SBNO2: variants seen among roughly 807,000 people sequenced by gnomAD.
The protein encoded by SBNO2 is strawberry notch homolog 2.
SBNO2 carries 89 observed loss-of-function variants against 146.3 expected under a neutral mutation model. The ratio of observed to expected loss-of-function variants is 0.61; its 90% confidence interval spans 0.51 to 0.73. The LOEUF is 0.73. Among genes scored for constraint, SBNO2 ranks in the 30% least tolerant of loss-of-function variants. The probability of loss-of-function intolerance (pLI) is 0.00; values close to 1 mark genes in which losing one functional copy is unlikely to be tolerated. For missense variants in SBNO2, 2,092 were observed against 2,003.7 expected (o/e 1.04, Z -0.84); for synonymous variants, 1,147 against 892.6 (o/e 1.29, Z -5.08).
Position 1,124,121 on chromosome 19 carries a change from C to T in SBNO2, c.442-99G>A, listed in dbSNP as rs759068103. On this transcript the variant is annotated intron_variant, in intron 5 of 31. Coordinates refer to ENST00000361757, the MANE Select transcript of SBNO2 (RefSeq NM_014963.3). Reference sequence around the variant, plus strand: ...ACCAGAGGGAGGCTCCCCACTGCCCCGTCCTCGCCTCCCCATCCTCGCTCC... The same window carrying T: ...ACCAGAGGGAGGCTCCCCACTGCCCTGTCCTCGCCTCCCCATCCTCGCTCC... 44 of 1,097,038 alleles carry T rather than the reference C, an allele frequency of 4.0e-5. 1 individual carries two copies. The Middle Eastern group carries it at 8.3e-4, about 21-fold the overall frequency. 68.0% of individuals were successfully genotyped at this position (1,097,038 alleles called of 1,614,324 possible).
rs1312702056 is a variant in SBNO2, at chr19:1,108,333, C to G, written c.3988G>C (p.Glu1330Gln). 7.4e-7 allele frequency: 1 copy of G among 1,353,728 alleles called. No homozygotes were observed. Among genetic ancestry groups the G allele is most frequent in the Non-Finnish European group, 9.5e-7 (1 of 1,051,190 alleles). The allele number at this position is 1,353,728 out of a possible 1,614,324, so 83.9% of individuals were successfully genotyped here. A position where few individuals can be genotyped will look rare whatever the true frequency, so the allele number is the denominator to read the frequency against. Residue 1330 changes from glutamate (E) to glutamine (Q), a missense_variant, in exon 32 of 32, where the codon GAG (glutamate) becomes CAG (glutamine). Glu to Gln is a conservative substitution (Grantham distance 29). Coordinates refer to ENST00000361757, the MANE Select transcript of SBNO2 (RefSeq NM_014963.3). The part of the protein sequence containing the change: ...LRSLHAGPPS[E>Q]GALGEGAGAG... The stretch of plus-strand genomic sequence containing the variant: ...CCCGCGCCCTCCCCCAGCGCGCCCT[C>G]GGAGGGCGGCCCCGCGTGCAGCGAG...
intron 4 of SBNO2, among the ~76,000 whole-genome samples, chr19:1,142,156 T>A (rs55828733): frequency 5.1e-3 from 18 of 3,508 alleles, no homozygotes; most frequent in South Asian, 0.029. Flanking sequence ...CCACGATCAA[T>A]CCTCACTCAA....
intron 1 of SBNO2, among the ~76,000 whole-genome samples, chr19:1,172,880 T>C (rs1309133888): frequency 6.9e-6 from 1 of 145,492 alleles, no homozygotes; most frequent in Non-Finnish European, 1.5e-5. Context: ...ACCAAACCTA[T>C]CCCGTCCCGT....
rs200551019 is a variant in SBNO2, at chr19:1,108,856, G to A, written c.3539C>T (p.Ala1180Val). Residue 1180 changes from alanine to valine, a missense_variant, in exon 31 of 32, where the codon GCC becomes GTC. Physicochemically the swap from Ala to Val is moderately conservative, Grantham distance 64. Coordinates refer to ENST00000361757, the MANE Select transcript of SBNO2 (RefSeq NM_014963.3). Reference sequence around the variant, plus strand: ...GCTGCTGCTGACGTCGGCCATGACGGCGGCGATGCGGCCCCACACGCGCAG... The same window carrying A: ...GCTGCTGCTGACGTCGGCCATGACGACGGCGATGCGGCCCCACACGCGCAG... ...ALLRVWGRIA[A>V]VMADVSSSSY... 3.1e-6 allele frequency: 5 copies of A among 1,596,110 alleles called. No individual in the cohort carries two copies. The highest frequency in any genetic ancestry group is 4.2e-6 in the Non-Finnish European group (5 of 1,177,290).
At chr19:1,114,709 A>G (rs1422417973) in intron 17 of SBNO2, among the ~76,000 whole-genome samples, 1 of 152,098 alleles carries the variant, frequency 6.6e-6, no homozygotes, top group Non-Finnish European at 1.5e-5. Context: ...GTGGCATCTC[A>G]CTGCACTCTC....
rs1034289968 is a variant in SBNO2, at chr19:1,144,744, G to A, written c.279+2565C>T. On this transcript the variant is annotated intron_variant, in intron 4 of 31. Transcript: ENST00000361757. The surrounding 1 kb of genome is among the most constrained non-coding windows in gnomAD (Gnocchi z 4.1). ...GGCAGAGAGGGAGACAAAGAGACAG[G>A]TGGAGAGGGAGACAGAGAGACAGAG... 7.6e-5 allele frequency among the ~76,000 whole-genome samples: 11 copies of A among 145,140 alleles called. No individual in the cohort carries two copies. The highest frequency in any genetic ancestry group is 1.2e-4 in the Non-Finnish European group (8 of 66,114).
intron 4 of SBNO2, among the ~76,000 whole-genome samples, chr19:1,131,814 A>AC (rs973846953): frequency 6.7e-6 from 1 of 149,040 alleles, no homozygotes; most frequent in African/African-American, 2.5e-5. Flanking sequence ...GCTGAGCCCG[A>AC]CCCCCCCACT....
chr19:1,166,178 A>C (rs2080422031), intron 1 of SBNO2, among the ~76,000 whole-genome samples: 1 of 99,266 alleles, frequency 1.0e-5, no homozygotes, highest in Non-Finnish European at 2.2e-5. Context: ...CCCAGACCCC[A>C]GATCCCAGAC....
chr19:1,136,407 C>T lies in SBNO2; in HGVS notation c.280-8642G>A, dbSNP rs11878574. On this transcript the variant is annotated intron_variant, in intron 4 of 31. Transcript: ENST00000361757. The surrounding 1 kb of genome is among the most constrained non-coding windows in gnomAD (Gnocchi z 4.2). The stretch of plus-strand genomic sequence containing the variant: ...CCTCAGTGTCTTCTGGTGCTGCAGC[C>T]GGGCAGGGCCGAACCCTGGCGCACA... 0.025 allele frequency among the ~76,000 whole-genome samples: 3,752 copies of T among 152,318 alleles called. 152 individuals carry two copies. The highest frequency in any genetic ancestry group is 0.085 in the African/African-American group (3,518 of 41,552).
At chr19:1,169,131 C>T (rs1173875174) in intron 1 of SBNO2, 6 of 152,304 alleles carry the variant, frequency 3.9e-5, no homozygotes, top group African/African-American at 7.2e-5. Context: ...GCACCAGGCC[C>T]GCCAGTCCGA....
At position 1,109,626 on chromosome 19, in the gene SBNO2, G is replaced by C; in HGVS notation, c.3124-28C>G. 6.5e-7 allele frequency: 1 copy of C among 1,537,800 alleles called. No individual in the cohort carries two copies. Among genetic ancestry groups the C allele is most frequent in the Non-Finnish European group, 8.9e-7 (1 of 1,129,436 alleles). ...GCCACGGCACGGGGTGGGGGGGTGTGAGTGTGGTGGGGGCGGGGTGGGCAG... is the reference window on the plus strand; with the variant it reads ...GCCACGGCACGGGGTGGGGGGGTGTCAGTGTGGTGGGGGCGGGGTGGGCAG... On this transcript the variant is annotated intron_variant, in intron 27 of 31. Coordinates refer to ENST00000361757, the MANE Select transcript of SBNO2 (RefSeq NM_014963.3). This position sits in a 1 kb window ranked among gnomAD's most constrained non-coding sequence, Gnocchi z 4.2.
chr19:1,119,910 G>T lies in SBNO2; in HGVS notation c.1263C>A (p.Ala421=). ...GTGGGATCCGCACCGCCCCACCTGT[G>T]GCGCTGGCGTAGACCACGCGGGCCA... ...LPLARVVYAS[A]TGASEPRNMI... Residue 421 remains alanine, a synonymous_variant, in exon 12 of 32, where the codon GCC becomes GCA. Coordinates refer to ENST00000361757, the MANE Select transcript of SBNO2 (RefSeq NM_014963.3). The T allele has an allele frequency of 6.5e-7, 1 of 1,545,578 alleles. No homozygotes were observed.
At chr19:1,134,375 G>A (rs777667964) in intron 4 of SBNO2, among the ~76,000 whole-genome samples, 3 of 147,194 alleles carry the variant, frequency 2.0e-5, no homozygotes, top group Admixed American at 6.8e-5. Context: ...CACAGCTCAT[G>A]ACAGCCTGGC....
At chr19:1,163,657 G>A (rs565355473) in intron 1 of SBNO2, among the ~76,000 whole-genome samples, 597 of 152,338 alleles carry the variant, frequency 3.9e-3, no homozygotes, top group Non-Finnish European at 5.9e-3. Flanking sequence ...AGAGGCCACC[G>A]CTCCCGAGCT....
chr19:1,152,874 C>T (rs113020394), intron 2 of SBNO2, among the ~76,000 whole-genome samples: 7,639 of 152,240 alleles, frequency 0.05, 364 homozygotes, highest in East Asian at 0.25. Context: ...CAGGCAGGGC[C>T]GGGCGCGGTG....
chr19:1,118,559 T>C (rs1156806664), intron 14 of SBNO2, among the ~76,000 whole-genome samples: 1 of 151,740 alleles, frequency 6.6e-6, no homozygotes, highest in Non-Finnish European at 1.5e-5. Context: ...CATCCCTCGT[T>C]ATCACAGCCA....
At position 1,110,799 on chromosome 19, in the gene SBNO2, C is replaced by T. The variant is rs371986032; in HGVS notation, c.2974G>A (p.Asp992Asn). The T allele has an allele frequency of 1.7e-5, 28 of 1,613,470 alleles. No homozygotes were observed. Among genetic ancestry groups the T allele is most frequent in the Non-Finnish European group, 2.0e-5 (24 of 1,179,738 alleles). The change falls in exon 26 of 32, where the codon GAC becomes AAC. Residue 992 changes from aspartate to asparagine, a missense_variant. Coordinates refer to ENST00000361757, the MANE Select transcript of SBNO2 (RefSeq NM_014963.3). This position sits in a 1 kb window ranked among gnomAD's most constrained non-coding sequence, Gnocchi z 4.9. ...CGCTTGTCCATCTCGATGAGGTGGTCGAAGGTGTCTGAGAAGTACTGGAAC... is the reference window on the plus strand; with the variant it reads ...CGCTTGTCCATCTCGATGAGGTGGTTGAAGGTGTCTGAGAAGTACTGGAAC... ...ALFQYFSDTFDHLIEMDKREG... is the reference protein window; with the variant it reads ...ALFQYFSDTFNHLIEMDKREG...
intron 12 of SBNO2, 64 bp downstream of exon 12, chr19:1,119,842 G>T (rs1463893960): frequency 2.3e-6 from 3 of 1,287,020 alleles, no homozygotes; most frequent in Non-Finnish European, 3.3e-6. Flanking sequence ...ATACCCCTTC[G>T]CGGGGACAGC....
At position 1,151,000 on chromosome 19, in the gene SBNO2, C is replaced by G. The variant is rs1258465761; in HGVS notation, c.94-1558G>C. On this transcript the variant is annotated intron_variant, in intron 2 of 31. Transcript: ENST00000361757. The surrounding 1 kb of genome is among the most constrained non-coding windows in gnomAD (Gnocchi z 6.2). Reference sequence around the variant, plus strand: ...CCTGGGCACCCTGAGCTCCTGCACCCGTGAGAAGACCCCGTGCAAGTGGCT... The same window carrying G: ...CCTGGGCACCCTGAGCTCCTGCACCGGTGAGAAGACCCCGTGCAAGTGGCT... Among the ~76,000 whole-genome samples the G allele has an allele frequency of 6.6e-6, 1 of 152,250 alleles. No individual in the cohort carries two copies. Among genetic ancestry groups the G allele is most frequent in the Non-Finnish European group, 1.5e-5 (1 of 68,032 alleles).
Sources: allele counts gnomAD v4.1 joint callset (sites outside exome capture counted in the v4.1 genomes callset), GRCh38; gene constraint gnomAD v4.1.1; non-coding constraint Gnocchi (gnomAD v3.1); transcripts MANE v1.5; gene names NCBI Gene and HGNC (gene_info 2026-07-23, HGNC 2026-07-21).